RAB1B: variants seen among roughly 807,000 people sequenced by gnomAD.
RAB1B encodes the protein ras-related protein Rab-1B.
A neutral mutation model predicts 24.8 loss-of-function variants in RAB1B; 10 were observed. That is an observed-to-expected ratio of 0.40 (90% CI 0.25 to 0.68). RAB1B has a LOEUF of 0.68. Among genes scored for constraint, RAB1B ranks in the 30% least tolerant of loss-of-function variants. The pLI is 0.37. For synonymous variants in RAB1B, 99 were observed against 111.7 expected (o/e 0.89, Z 0.72); for missense variants, 154 against 271.2 (o/e 0.57, Z 3.04).
chr11:66,271,986 G>T, intron 2 of RAB1B, 117 bp downstream of exon 2: 1 of 974,394 alleles, frequency 1.0e-6, no homozygotes, highest in African/African-American at 1.6e-5. Context: ...GAAGCTGTAA[G>T]ACCTGCCACC....
chr11:66,269,254 C>G (rs569877763), intron 1 of RAB1B, among the ~76,000 whole-genome samples: 1 of 152,268 alleles, frequency 6.6e-6, no homozygotes, highest in East Asian at 1.9e-4. Context: ...CTACCCTTTG[C>G]CTGGGTCGCG....
intron 4 of RAB1B, among the ~76,000 whole-genome samples, chr11:66,275,507 A>G (rs754174062): frequency 2.2e-4 from 34 of 152,232 alleles, no homozygotes; most frequent in Non-Finnish European, 4.4e-4. Flanking sequence ...AGGGCCTGCA[A>G]GTGTCTCAGG....
In RAB1B at chr11:66,272,268, C is replaced by T. The variant is rs986695235; in HGVS notation, c.183+16C>T. ...ACTTCAGATCGTGAGTGTCGCTCTT[C>T]CCAAAATCCCCAGTACAGAGGTATC... On this transcript the variant is annotated intron_variant, in intron 3 of 5. Coordinates refer to ENST00000311481, the MANE Select transcript of RAB1B (RefSeq NM_030981.3). 1.2e-6 allele frequency: 2 copies of T among 1,608,744 alleles called. No individual in the cohort carries two copies. The highest frequency in any genetic ancestry group is 1.7e-6 in the Non-Finnish European group (2 of 1,175,076).
In RAB1B at chr11:66,275,796, C is replaced by G. The variant is rs781740911; in HGVS notation, c.280-8C>G. On this transcript the variant is annotated splice_polypyrimidine_tract_variant and splice_region_variant and intron_variant, in intron 4 of 5. Transcript: ENST00000311481. Reference sequence around the variant, plus strand: ...AGCAAAATAACTTTGGCCCCTGGCCCCCTTTAGGAATCCTACGCCAACGTG... The same window carrying G: ...AGCAAAATAACTTTGGCCCCTGGCCGCCTTTAGGAATCCTACGCCAACGTG... The G allele has an allele frequency of 7.3e-5, 114 of 1,569,918 alleles. No homozygotes were observed. Among genetic ancestry groups the G allele is most frequent in the Non-Finnish European group, 9.2e-5 (106 of 1,157,470 alleles).
At chr11:66,272,311 G>A in intron 3 of RAB1B, 54 bp from the exon 4 acceptor site, 1 of 1,598,038 alleles carries the variant, frequency 6.3e-7, no homozygotes, top group South Asian at 1.1e-5. Flanking sequence ...GGAGGGAAGG[G>A]ACTCTGGGAC....
chr11:66,275,397 A>G (rs963931730), intron 4 of RAB1B, among the ~76,000 whole-genome samples: 6 of 152,186 alleles, frequency 3.9e-5, no homozygotes, highest in Admixed American at 1.3e-4. Context: ...TCAAACCTTA[A>G]AGGGATTTTC....
chr11:66,273,878 A>G (rs1249300597), intron 4 of RAB1B, among the ~76,000 whole-genome samples: 3 of 152,076 alleles, frequency 2.0e-5, no homozygotes, highest in Non-Finnish European at 4.4e-5. Context: ...TTTTGAGCAC[A>G]CCCTTTCCCA....
intron 1 of RAB1B, chr11:66,270,847 G>A (rs986754777): frequency 2.0e-5 from 3 of 152,240 alleles, no homozygotes; most frequent in African/African-American, 7.2e-5. Context: ...GCTCCTACTG[G>A]ACCAAACCAT....
rs1857172208 is a variant in RAB1B, at chr11:66,277,432, GAC to G, written c.*1196_*1197del. On this transcript the variant is annotated 3_prime_UTR_variant, in exon 6 of 6. Transcript: ENST00000311481. ...AGCCACTTGGGGAAAGATGGAAAAG[GAC>G]AAAAAAAATTAATAAATTTCCATTG... The G allele has an allele frequency of 6.6e-6, 1 of 152,360 alleles. No homozygotes were observed. Among genetic ancestry groups the G allele is most frequent in the South Asian group, 2.1e-4 (1 of 4,834 alleles). The allele number at this position is 152,360 out of a possible 1,614,324, so 9.4% of individuals were successfully genotyped here.
intron 1 of RAB1B, chr11:66,270,250 TGTTGTTGTTGTTG>T (rs1857033711): frequency 6.6e-6 from 1 of 150,652 alleles, no homozygotes; most frequent in Non-Finnish European, 1.5e-5. Flanking sequence ...TTGTTGTTGT[TGTTGTTGTTGTTG>T]TTGTTGTTGT....
At chr11:66,273,498 G>C (rs1303152768) in intron 4 of RAB1B, among the ~76,000 whole-genome samples, 4 of 152,164 alleles carry the variant, frequency 2.6e-5, no homozygotes, top group African/African-American at 4.8e-5. Flanking sequence ...TGCAGCACTC[G>C]ATTCTCTATT....
In RAB1B at chr11:66,272,253, G is replaced by A. The variant is rs1857072109; in HGVS notation, c.183+1G>A. 3.1e-6 allele frequency: 5 copies of A among 1,612,782 alleles called. No individual in the cohort carries two copies. The highest frequency in any genetic ancestry group is 4.2e-6 in the Non-Finnish European group (5 of 1,178,774). ...TGGCAAAACTATCAAACTTCAGATCGTGAGTGTCGCTCTTCCCAAAATCCC... is the reference window on the plus strand; with the variant it reads ...TGGCAAAACTATCAAACTTCAGATCATGAGTGTCGCTCTTCCCAAAATCCC... On this transcript the variant is annotated splice_donor_variant, in intron 3 of 5. Transcript: ENST00000311481. LOFTEE classifies it high-confidence loss of function.
chr11:66,269,174 A>G (rs1857007550), intron 1 of RAB1B, among the ~76,000 whole-genome samples: 2 of 151,992 alleles, frequency 1.3e-5, no homozygotes, highest in South Asian at 2.1e-4. Flanking sequence ...AAGCTAGCCA[A>G]CTACGCGGGA....
chr11:66,276,059 C>G lies in RAB1B; in HGVS notation c.427C>G (p.Leu143Val). ...NTTAKEFADS[L>V]GIPFLETSAK... is the part of the protein sequence containing the mutation. ...CCCTTGTCAGGAGTTTGCAGACTCT[C>G]TGGGCATCCCCTTCTTGGAGACGAG... is the stretch of plus-strand genomic sequence containing the variant. Residue 143 changes from leucine to valine, a missense_variant, in exon 6 of 6, where the codon CTG becomes GTG. Leu to Val is a conservative substitution (Grantham distance 32). Coordinates refer to ENST00000311481, the MANE Select transcript of RAB1B (RefSeq NM_030981.3). The G allele has an allele frequency of 6.2e-7, 1 of 1,613,418 alleles. No homozygotes were observed. Among genetic ancestry groups the G allele is most frequent in the Non-Finnish European group, 8.5e-7 (1 of 1,179,764 alleles).
rs1283277967 is a variant in RAB1B at position 66,270,592 on chromosome 11, AAG to A, written c.15-1199_15-1198del. ...ACTCTGTCTCGAAAAAACAAAAGAA[AAG>A]AGAGACGGGGTTGTGCTGCATCACC... is the stretch of plus-strand genomic sequence containing the variant. On this transcript the variant is annotated intron_variant, in intron 1 of 5. Transcript: ENST00000311481. 2.0e-5 allele frequency: 3 copies of A among 152,252 alleles called. No individual in the cohort carries two copies. In the South Asian group the frequency reaches 6.2e-4, roughly 32 times the overall value. 9.4% of individuals were successfully genotyped at this position (152,252 alleles called of 1,614,324 possible).
intron 4 of RAB1B, among the ~76,000 whole-genome samples, chr11:66,275,513 T>G (rs1565182388): frequency 6.6e-6 from 1 of 152,154 alleles, no homozygotes; most frequent in Non-Finnish European, 1.5e-5. Context: ...TGCAAGTGTC[T>G]CAGGGAGAGA....
intron 4 of RAB1B, among the ~76,000 whole-genome samples, chr11:66,273,370 C>T (rs548126265): frequency 6.6e-6 from 1 of 152,228 alleles, no homozygotes; most frequent in Non-Finnish European, 1.5e-5. Context: ...GTTACCAGGG[C>T]CCACCTGACT....
chr11:66,274,912 A>G (rs759410306), intron 4 of RAB1B, among the ~76,000 whole-genome samples: 16 of 151,916 alleles, frequency 1.1e-4, no homozygotes, highest in Admixed American at 3.9e-4. Flanking sequence ...GCACAAGGCC[A>G]GTTCCCACCT....
intron 3 of RAB1B, 27 bp downstream of exon 3, chr11:66,272,279 C>T (rs369083319): frequency 1.2e-5 from 20 of 1,604,448 alleles, no homozygotes; most frequent in African/African-American, 2.7e-5. Context: ...CCAAAATCCC[C>T]AGTACAGAGG....
Sources: allele counts gnomAD v4.1 joint callset (sites outside exome capture counted in the v4.1 genomes callset), GRCh38; gene constraint gnomAD v4.1.1; transcripts MANE v1.5; gene names NCBI Gene and HGNC (gene_info 2026-07-23, HGNC 2026-07-21).